The following LINGO1 variants were observed in gnomAD, a reference collection of about 807,000 sequenced individuals.
LINGO1 encodes the protein leucine-rich repeat and immunoglobulin-like domain-containing nogo receptor-interacting protein 1.
LINGO1 carries 11 observed loss-of-function variants against 37.3 expected under a neutral mutation model. That is an observed-to-expected ratio of 0.29 (90% confidence interval 0.19 to 0.49). The LOEUF (loss-of-function observed/expected upper bound fraction) is 0.49, where lower values mean the gene tolerates loss of function less well. Ranked by LOEUF, LINGO1 falls within the 20% of genes least tolerant of loss-of-function variation. The pLI is 0.99. For synonymous variants in LINGO1, 387 were observed against 403.0 expected, an observed-to-expected ratio of 0.96 and a Z score of 0.48; for missense variants, 585 against 878.2, an observed-to-expected ratio of 0.67 and a Z score of 4.22.
chr15:77,664,170 T>TGTGTGTGTGTGTGTGTGC, intron 3 of LINGO1, among the ~76,000 whole-genome samples: 7 of 130,944 alleles, frequency 5.3e-5, no homozygotes, highest in African/African-American at 2.2e-4. Flanking sequence ...TGTGTGTGTG[T>TGTGTGTGTGTGTGTGTGC]GCGCGCGCGC....
intron 1 of LINGO1, among the ~76,000 whole-genome samples, chr15:77,745,675 C>T (rs982986971): frequency 1.3e-5 from 2 of 152,168 alleles, no homozygotes; most frequent in Non-Finnish European, 2.9e-5. Flanking sequence ...TGCCAATCAC[C>T]TCATACACAA....
intron 1 of LINGO1, among the ~76,000 whole-genome samples, chr15:77,766,175 G>A (rs1167883315): frequency 6.6e-6 from 1 of 151,884 alleles, no homozygotes; most frequent in Non-Finnish European, 1.5e-5. Context: ...GCATGCACCT[G>A]TAGTCCCAGC....
At chr15:77,687,978 G>A (rs1297758644) in intron 2 of LINGO1, among the ~76,000 whole-genome samples, 1 of 152,140 alleles carries the variant, frequency 6.6e-6, no homozygotes, top group Non-Finnish European at 1.5e-5. Flanking sequence ...TCAACCCAGC[G>A]GCTCCTTGCT....
At chr15:77,782,416 G>A (rs182625074) in intron 1 of LINGO1, among the ~76,000 whole-genome samples, 3 of 152,268 alleles carry the variant, frequency 2.0e-5, no homozygotes, top group Admixed American at 2.0e-4. Flanking sequence ...GCCCCTCAGT[G>A]TCCTCATCTG....
chr15:77,756,358 C>A (rs554936347), intron 1 of LINGO1, among the ~76,000 whole-genome samples: 1 of 152,190 alleles, frequency 6.6e-6, no homozygotes, highest in Non-Finnish European at 1.5e-5. Flanking sequence ...AACATGTCCA[C>A]ACACAGAGGA....
At chr15:77,808,964 C>T (rs1037225122) in intron 1 of LINGO1, among the ~76,000 whole-genome samples, 4 of 152,220 alleles carry the variant, frequency 2.6e-5, no homozygotes, top group African/African-American at 7.2e-5. Flanking sequence ...CCAACAAATG[C>T]TCACTTGGAA....
At chr15:77,749,450 C>T (rs2076349375) in intron 1 of LINGO1, among the ~76,000 whole-genome samples, 1 of 152,254 alleles carries the variant, frequency 6.6e-6, no homozygotes, top group African/African-American at 2.4e-5. Flanking sequence ...CAGTCTTTTA[C>T]ATCCTGGCCT....
intron 3 of LINGO1, among the ~76,000 whole-genome samples, chr15:77,661,109 G>C (rs1318349612): frequency 1.3e-5 from 2 of 152,208 alleles, no homozygotes; most frequent in Non-Finnish European, 2.9e-5. Flanking sequence ...AACTGGCCTG[G>C]GTGGGCAGGC....
At position 77,770,603 on chromosome 15, in the gene LINGO1, A is replaced by AC. The variant is rs56663910; in HGVS notation, c.-257+16265_-257+16266insG. On this transcript the variant is annotated intron_variant, in intron 1 of 3. Coordinates refer to the LINGO1 transcript ENST00000561686. ...ACTCTGTCTCAAAAAAAAAAAAAAAAAAAAAAAAGATATGGAAACTGAGGC... is the reference window on the plus strand; with the variant it reads ...ACTCTGTCTCAAAAAAAAAAAAAAAACAAAAAAAAGATATGGAAACTGAGGC... Among the ~76,000 whole-genome samples the AC allele has an allele frequency of 3.8e-3, 573 of 151,628 alleles. 3 individuals carry two copies. The highest frequency in any genetic ancestry group is 0.013 in the African/African-American group (547 of 41,254).
chr15:77,644,957 T>TC (rs2074592225), intron 3 of LINGO1, among the ~76,000 whole-genome samples: 1 of 151,924 alleles, frequency 6.6e-6, no homozygotes, highest in Non-Finnish European at 1.5e-5. Context: ...ATAGGAGGGC[T>TC]CCCCACACTC....
chr15:77,737,983 T>C (rs542801170), intron 1 of LINGO1, among the ~76,000 whole-genome samples: 2 of 152,138 alleles, frequency 1.3e-5, no homozygotes, highest in Non-Finnish European at 2.9e-5. Context: ...AGAGGCCTAT[T>C]TGTCATCTCC....
chr15:77,635,021 G>A (rs1006610171), upstream of LINGO1, among the ~76,000 whole-genome samples: 1 of 152,222 alleles, frequency 6.6e-6, no homozygotes, highest in African/African-American at 2.4e-5. Context: ...GATCTCGGCG[G>A]AGAAATGGGG....
intron 3 of LINGO1, among the ~76,000 whole-genome samples, chr15:77,658,446 C>T (rs1596060887): frequency 1.3e-5 from 2 of 152,344 alleles, no homozygotes; most frequent in South Asian, 2.1e-4. Flanking sequence ...CCGTTCTCAC[C>T]GCACGTGGTT....
chr15:77,819,830 G>A (rs1385339013), intron 1 of LINGO1, among the ~76,000 whole-genome samples: 1 of 151,370 alleles, frequency 6.6e-6, no homozygotes, highest in African/African-American at 2.4e-5. Context: ...GCCGACTCGG[G>A]CTTCTCGCAC....
At chr15:77,628,849 G>A (rs940822561) in intron 1 of LINGO1, among the ~76,000 whole-genome samples, 4 of 152,184 alleles carry the variant, frequency 2.6e-5, no homozygotes, top group African/African-American at 4.8e-5. Context: ...CAAGTCACTC[G>A]CCACCTCTCT....
At chr15:77,788,362 C>T (rs1346653842), upstream of LINGO1, 2 of 152,234 alleles carry the variant, frequency 1.3e-5, no homozygotes, top group African/African-American at 4.8e-5. Flanking sequence ...CCTCAACCTA[C>T]TTTATCCACG....
At chr15:77,800,828 A>G (rs1219701691) in intron 1 of LINGO1, among the ~76,000 whole-genome samples, 5 of 152,242 alleles carry the variant, frequency 3.3e-5, no homozygotes, top group Admixed American at 3.3e-4. Flanking sequence ...CTACAAATCA[A>G]TAAGAAAAAA....
At chr15:77,669,327 C>T (rs1171916427) in intron 3 of LINGO1, among the ~76,000 whole-genome samples, 2 of 152,238 alleles carry the variant, frequency 1.3e-5, no homozygotes, top group African/African-American at 4.8e-5. Context: ...AGTCCCCCAT[C>T]CCTTTGCCTC....
chr15:77,718,590 C>G (rs75050093), intron 2 of LINGO1, among the ~76,000 whole-genome samples: 1,612 of 151,080 alleles, frequency 0.011, 50 homozygotes, highest in African/African-American at 0.036. Flanking sequence ...ACCCCAATAT[C>G]GGACCCCAGA....
Sources: gnomAD v4.1 joint callset for allele counts (sites outside exome capture counted in the v4.1 genomes callset) on GRCh38, gnomAD v4.1.1 for gene constraint, MANE v1.5 for transcripts, NCBI Gene and HGNC (gene_info 2026-07-23, HGNC 2026-07-21) for gene names.